The following DPYD variants were observed in gnomAD, a reference collection of about 807,000 sequenced individuals.
DPYD encodes the protein dihydropyrimidine dehydrogenase, also known as dihydropyrimidine dehydrogenase [NADP(+)].
A neutral mutation model predicts 116.2 loss-of-function variants in DPYD; 109 were observed. The ratio of observed to expected loss-of-function variants is 0.94; its 90% CI spans 0.80 to 1.10. DPYD has a LOEUF of 1.10. Ranked by LOEUF, DPYD falls within the 50% of genes least tolerant of loss-of-function variation. DPYD has a pLI of 0.00. For synonymous variants in DPYD, 440 were observed against 432.0 expected (o/e 1.02, Z -0.23); for missense variants, 1,302 against 1,254.5 (o/e 1.04, Z -0.57).
At chr1:97,607,818 C>G (rs1375462471) in intron 8 of DPYD, among the ~76,000 whole-genome samples, 1 of 151,906 alleles carries the variant, frequency 6.6e-6, no homozygotes, top group Non-Finnish European at 1.5e-5. Context: ...ACTATGTACA[C>G]TGTAAAGCAC....
chr1:97,663,129 GC>G (rs1659364119), intron 8 of DPYD, among the ~76,000 whole-genome samples: 2 of 152,086 alleles, frequency 1.3e-5, no homozygotes, highest in African/African-American at 4.8e-5. Flanking sequence ...AGCATCATTT[GC>G]CACAGCCAAG....
chr1:97,173,904 C>T (rs1019266834), intron 20 of DPYD, among the ~76,000 whole-genome samples: 5 of 149,848 alleles, frequency 3.3e-5, no homozygotes, highest in African/African-American at 4.9e-5. Flanking sequence ...ACAGTTTTGA[C>T]TCTTTTCCAA....
intron 14 of DPYD, among the ~76,000 whole-genome samples, chr1:97,433,009 G>A (rs562508064): frequency 6.6e-6 from 1 of 152,206 alleles, no homozygotes; most frequent in Admixed American, 6.5e-5. Context: ...TTTTTAGGTT[G>A]CTCGGGAGTT....
chr1:97,213,190 T>C (rs1053252741), intron 19 of DPYD, among the ~76,000 whole-genome samples: 11 of 152,080 alleles, frequency 7.2e-5, no homozygotes, highest in Non-Finnish European at 2.9e-5. Context: ...TACTACCAGA[T>C]TGGGGTTAGT....
chr1:97,624,967 T>C (rs1364875569), intron 8 of DPYD, among the ~76,000 whole-genome samples: 1 of 151,890 alleles, frequency 6.6e-6, no homozygotes, highest in Admixed American at 6.6e-5. Flanking sequence ...TGTTGGGGAA[T>C]GGGGTGATGA....
At chr1:97,185,793 T>C (rs1657953712) in intron 20 of DPYD, among the ~76,000 whole-genome samples, 1 of 152,072 alleles carries the variant, frequency 6.6e-6, no homozygotes, top group Non-Finnish European at 1.5e-5. Flanking sequence ...AGGTGCTAGA[T>C]GGTGTTTGCT....
chr1:97,831,399 C>T (rs142122007), intron 2 of DPYD, among the ~76,000 whole-genome samples: 72 of 152,248 alleles, frequency 4.7e-4, no homozygotes, highest in African/African-American at 1.6e-3. Flanking sequence ...ATTGAGCCAG[C>T]GGCCTCCAAT....
At chr1:97,333,312 G>T (rs1167287993) in intron 16 of DPYD, among the ~76,000 whole-genome samples, 3 of 151,932 alleles carry the variant, frequency 2.0e-5, no homozygotes, top group African/African-American at 7.3e-5. Context: ...GCAAGTGGTG[G>T]TCTGTAGTCA....
intron 14 of DPYD, among the ~76,000 whole-genome samples, chr1:97,388,884 A>G (rs754961321): frequency 7.9e-5 from 12 of 152,102 alleles, no homozygotes; most frequent in Admixed American, 3.3e-4. Flanking sequence ...AGAGGGGATG[A>G]TGAATCGAGA....
At chr1:97,433,997 C>G (rs1385683051) in intron 14 of DPYD, among the ~76,000 whole-genome samples, 1 of 152,042 alleles carries the variant, frequency 6.6e-6, no homozygotes, top group Non-Finnish European at 1.5e-5. Context: ...CCCACCCATA[C>G]TTTGTAACCC....
At chr1:97,565,544 TC>T (rs1050190896) in intron 11 of DPYD, among the ~76,000 whole-genome samples, 1 of 152,118 alleles carries the variant, frequency 6.6e-6, no homozygotes, top group Non-Finnish European at 1.5e-5. Context: ...ACAGAATGCC[TC>T]CCCGTTGTCT....
At chr1:97,620,424 C>T (rs1656566025) in intron 8 of DPYD, among the ~76,000 whole-genome samples, 1 of 152,144 alleles carries the variant, frequency 6.6e-6, no homozygotes, top group Non-Finnish European at 1.5e-5. Flanking sequence ...CTATGTTTCT[C>T]AGGCTGGTCT....
intron 14 of DPYD, among the ~76,000 whole-genome samples, chr1:97,435,018 T>C (rs1390702028): frequency 6.6e-6 from 1 of 152,002 alleles, no homozygotes; most frequent in Non-Finnish European, 1.5e-5. Context: ...AACTGTTATG[T>C]TTTCAATTTG....
At chr1:97,443,422 G>A (rs997545762) in intron 14 of DPYD, among the ~76,000 whole-genome samples, 1 of 152,086 alleles carries the variant, frequency 6.6e-6, no homozygotes, top group Non-Finnish European at 1.5e-5. Flanking sequence ...AAACTGAACG[G>A]TTTCCTGGGG....
At chr1:97,857,060 A>G (rs1670880598) in intron 2 of DPYD, among the ~76,000 whole-genome samples, 1 of 152,040 alleles carries the variant, frequency 6.6e-6, no homozygotes, top group African/African-American at 2.4e-5. Context: ...CAAGAACCCT[A>G]TTTCCCAGAA....
intron 2 of DPYD, among the ~76,000 whole-genome samples, chr1:97,865,884 A>T (rs1238834119): frequency 6.6e-6 from 1 of 151,966 alleles, no homozygotes; most frequent in Non-Finnish European, 1.5e-5. Context: ...TATATACAAT[A>T]CAACTTCTAT....
At position 97,691,707 on chromosome 1, in the gene DPYD, T is replaced by C; in HGVS notation, c.762+10A>G. The C allele has an allele frequency of 1.9e-6, 3 of 1,612,592 alleles. No individual in the cohort carries two copies. In the East Asian group the frequency reaches 6.7e-5, roughly 36 times the overall value. On this transcript the variant is annotated intron_variant, in intron 7 of 22. Transcript: ENST00000370192. Reference sequence around the variant, plus strand: ...TGAGCAGTACACAGATAGGTGTTTTTTTCATTTACCTTTACACCAAGGTCC... The same window carrying C: ...TGAGCAGTACACAGATAGGTGTTTTCTTCATTTACCTTTACACCAAGGTCC...
At chr1:97,886,379 G>A (rs559828552) in intron 1 of DPYD, among the ~76,000 whole-genome samples, 1 of 152,106 alleles carries the variant, frequency 6.6e-6, no homozygotes, top group Admixed American at 6.5e-5. Flanking sequence ...TGACAGGTCA[G>A]GAGTTCTGTT....
chr1:97,838,338 G>A (rs1386849820), intron 2 of DPYD, among the ~76,000 whole-genome samples: 1 of 152,066 alleles, frequency 6.6e-6, no homozygotes, highest in Non-Finnish European at 1.5e-5. Context: ...TAATAGCAAC[G>A]GTATGTGGCT....
Sources: gnomAD v4.1 joint callset for allele counts (sites outside exome capture counted in the v4.1 genomes callset) on GRCh38, gnomAD v4.1.1 for gene constraint, MANE v1.5 for transcripts, NCBI Gene and HGNC (gene_info 2026-07-23, HGNC 2026-07-21) for gene names.